Variants in TMOD1 observed in about 807,000 individuals in gnomAD.
TMOD1 encodes tropomodulin 1.
A neutral mutation model predicts 40.6 loss-of-function variants in TMOD1; 17 were observed. That is an observed-to-expected ratio of 0.42 (90% CI 0.29 to 0.63). TMOD1 has a LOEUF of 0.63. Ranked by LOEUF, TMOD1 falls within the 20% of genes least tolerant of loss-of-function variation. TMOD1 has a pLI of 0.22. For synonymous variants in TMOD1, 181 were observed against 175.0 expected (o/e 1.03, Z -0.27); for missense variants, 391 against 447.6 (o/e 0.87, Z 1.14).
intron 1 of TMOD1, among the ~76,000 whole-genome samples, chr9:97,509,323 G>C (rs1260882471): frequency 6.6e-6 from 1 of 152,042 alleles, no homozygotes; most frequent in African/African-American, 2.4e-5. Flanking sequence ...CATTGTGCCT[G>C]GTATGCAGTA....
At chr9:97,576,814 AT>A (rs1291961169) in intron 8 of TMOD1, among the ~76,000 whole-genome samples, 33 of 149,488 alleles carry the variant, frequency 2.2e-4, no homozygotes, top group Middle Eastern at 3.4e-3. Flanking sequence ...TTTTTTTTGT[AT>A]TTTTTAGTAG....
chr9:97,529,194 C>CT (rs1348939189), intron 2 of TMOD1, among the ~76,000 whole-genome samples: 1 of 152,172 alleles, frequency 6.6e-6, no homozygotes, highest in African/African-American at 2.4e-5. Flanking sequence ...AATAATCCCT[C>CT]TTTTTTCTGG....
At chr9:97,573,434 C>A (rs1034882777) in intron 8 of TMOD1, among the ~76,000 whole-genome samples, 11 of 152,188 alleles carry the variant, frequency 7.2e-5, no homozygotes, top group African/African-American at 2.7e-4. Flanking sequence ...TCTTGTTTTC[C>A]CAGATTGGAT....
At chr9:97,523,276 T>G (rs776278106) in intron 1 of TMOD1, among the ~76,000 whole-genome samples, 1 of 152,076 alleles carries the variant, frequency 6.6e-6, no homozygotes, top group Non-Finnish European at 1.5e-5. Context: ...AAATGAACAG[T>G]AGGCTTCTCC....
chr9:97,589,042 A>G (rs967581077), intron 8 of TMOD1, among the ~76,000 whole-genome samples: 3 of 149,606 alleles, frequency 2.0e-5, no homozygotes, highest in Admixed American at 2.0e-4. Flanking sequence ...GCTTGAACCC[A>G]GGAGGCAGAG....
intron 9 of TMOD1, among the ~76,000 whole-genome samples, chr9:97,598,135 C>G (rs554626048): frequency 4.6e-5 from 7 of 152,106 alleles, no homozygotes; most frequent in African/African-American, 1.7e-4. Context: ...TCGAGACCAG[C>G]CTAGCCAACA....
chr9:97,521,680 T>A (rs1220189449), intron 1 of TMOD1, among the ~76,000 whole-genome samples: 3 of 152,204 alleles, frequency 2.0e-5, no homozygotes, highest in Non-Finnish European at 4.4e-5. Context: ...TGGGGCCTGG[T>A]CAAAGAGGAC....
rs1300632259 is a variant in TMOD1, at chr9:97,502,702, CCT to C, written c.-49+900_-49+901del. ...CTGACTGCCCCAGACTCGATCGTATCCTGGGACTCACTAAGGCCGTCGGATAT... is the reference window on the plus strand; with the variant it reads ...CTGACTGCCCCAGACTCGATCGTATCGGGACTCACTAAGGCCGTCGGATAT... On this transcript the variant is annotated intron_variant, in intron 1 of 9. Coordinates refer to ENST00000259365, the MANE Select transcript of TMOD1 (RefSeq NM_003275.4). The surrounding 1 kb of genome is among the most constrained non-coding windows in gnomAD (Gnocchi z 6.1). Among the ~76,000 whole-genome samples, 1 of 152,216 alleles carries C rather than the reference CCT, an allele frequency of 6.6e-6. No individual in the cohort carries two copies. Among genetic ancestry groups the C allele is most frequent in the Non-Finnish European group, 1.5e-5 (1 of 68,036 alleles).
intron 8 of TMOD1, among the ~76,000 whole-genome samples, chr9:97,575,068 T>C (rs979997930): frequency 2.6e-5 from 4 of 152,352 alleles, no homozygotes; most frequent in African/African-American, 4.8e-5. Flanking sequence ...ACTTCCGCAC[T>C]GTGGAAACTT....
chr9:97,545,427 C>T (rs562690609), intron 2 of TMOD1, among the ~76,000 whole-genome samples: 1 of 152,364 alleles, frequency 6.6e-6, no homozygotes, highest in South Asian at 2.1e-4. Context: ...AAGCCCACAC[C>T]TAGAAGCCTG....
intron 1 of TMOD1, among the ~76,000 whole-genome samples, chr9:97,507,832 T>TC (rs1414955556): frequency 1.3e-5 from 2 of 152,016 alleles, no homozygotes; most frequent in Non-Finnish European, 2.9e-5. Context: ...AGAACATCAA[T>TC]CAGTCTTTCA....
chr9:97,565,985 G>A (rs1241695362), intron 7 of TMOD1, 30 bp downstream of exon 7: 2 of 1,591,880 alleles, frequency 1.3e-6, no homozygotes, highest in African/African-American at 2.7e-5. Context: ...GTTGCATTGT[G>A]GCTGGGGGCC....
intron 1 of TMOD1, among the ~76,000 whole-genome samples, chr9:97,515,615 T>C (rs1226320034): frequency 6.6e-6 from 1 of 152,206 alleles, no homozygotes; most frequent in Non-Finnish European, 1.5e-5. Flanking sequence ...TTGTCTTGCC[T>C]TTTGAGCAAA....
At chr9:97,519,835 C>A (rs1829887715) in intron 1 of TMOD1, among the ~76,000 whole-genome samples, 1 of 152,048 alleles carries the variant, frequency 6.6e-6, no homozygotes, top group Admixed American at 6.6e-5. Context: ...GGTAGAGACT[C>A]CAGCAGCGAC....
chr9:97,563,992 A>G (rs762929294), intron 5 of TMOD1, 46 bp from the exon 6 acceptor site: 1 of 1,586,916 alleles, frequency 6.3e-7, no homozygotes, highest in Non-Finnish European at 8.6e-7. Context: ...GCAGAAAGTG[A>G]GCCCCTTGTT....
intron 2 of TMOD1, among the ~76,000 whole-genome samples, chr9:97,537,341 CG>C (rs1348334503): frequency 6.6e-6 from 1 of 152,176 alleles, no homozygotes; most frequent in Non-Finnish European, 1.5e-5. Flanking sequence ...GGTATATGTA[CG>C]TGTGTGTGCA....
At chr9:97,566,342 G>A (rs534011449) in intron 7 of TMOD1, among the ~76,000 whole-genome samples, 2 of 152,306 alleles carry the variant, frequency 1.3e-5, no homozygotes, top group South Asian at 2.1e-4. Context: ...ACAAGAGCCT[G>A]CCCTTCCCTG....
chr9:97,546,206 C>T lies in TMOD1; in HGVS notation c.142C>T (p.Leu48=), dbSNP rs1439806423. ...DPDNALLPAG[L]RQKDQTTKAP... The stretch of plus-strand genomic sequence containing the variant: ...GTAGAATGCACTGCTGCCTGCAGGC[C>T]TGAGGCAGAAGGATCAGACCACCAA... The change falls in exon 3 of 10, where the codon CTG becomes TTG. Residue 48 remains leucine, a synonymous_variant. Transcript: ENST00000259365. 6.2e-7 allele frequency: 1 copy of T among 1,613,486 alleles called. No homozygotes were observed. Among genetic ancestry groups the T allele is most frequent in the Non-Finnish European group, 8.5e-7 (1 of 1,179,902 alleles).
At chr9:97,568,855 G>T in intron 7 of TMOD1, 39 bp from the exon 8 acceptor site, 1 of 1,608,618 alleles carries the variant, frequency 6.2e-7, no homozygotes, top group Non-Finnish European at 8.5e-7. Flanking sequence ...CTTGCTCGGG[G>T]TGACTCATGG....
Sources: gnomAD v4.1 joint callset for allele counts (sites outside exome capture counted in the v4.1 genomes callset) on GRCh38, gnomAD v4.1.1 for gene constraint, Gnocchi (gnomAD v3.1) non-coding constraint, MANE v1.5 for transcripts, NCBI Gene and HGNC (gene_info 2026-07-23, HGNC 2026-07-21) for gene names.